The following TRAM2 variants were observed in gnomAD, a reference collection of about 807,000 sequenced individuals.
TRAM2 encodes translocating chain-associated membrane protein 2.
TRAM2 carries 12 observed loss-of-function variants against 51.0 expected under a neutral mutation model. The ratio of observed to expected loss-of-function variants is 0.24; its 90% confidence interval spans 0.15 to 0.38. The LOEUF (loss-of-function observed/expected upper bound fraction) is 0.38, where lower values mean the gene tolerates loss of function less well. Ranked by LOEUF, TRAM2 falls within the 10% of genes least tolerant of loss-of-function variation. The pLI, the probability that TRAM2 is intolerant of heterozygous loss-of-function variation, is 1.00. For missense variants in TRAM2, 361 were observed against 462.0 expected (o/e 0.78, Z 2.00); for synonymous variants, 175 against 179.4 (o/e 0.98, Z 0.20).
intron 1 of TRAM2, among the ~76,000 whole-genome samples, chr6:52,543,128 T>C (rs1767133795): frequency 6.6e-6 from 1 of 151,680 alleles, no homozygotes. Context: ...CTGAAGTAAA[T>C]GTATTACTTC....
At chr6:52,575,005 GA>G (rs1767740025) in intron 1 of TRAM2, among the ~76,000 whole-genome samples, 2 of 152,236 alleles carry the variant, frequency 1.3e-5, no homozygotes, top group Non-Finnish European at 2.9e-5. Flanking sequence ...CAAGGCTGGG[GA>G]CACGCACTTG....
intron 1 of TRAM2, among the ~76,000 whole-genome samples, chr6:52,551,735 G>A (rs1327365820): frequency 6.6e-6 from 1 of 152,246 alleles, no homozygotes; most frequent in Non-Finnish European, 1.5e-5. Context: ...GGGAGACAGA[G>A]GCTGTATTTA....
At chr6:52,508,579 T>C (rs1766392151) in intron 5 of TRAM2, among the ~76,000 whole-genome samples, 1 of 152,174 alleles carries the variant, frequency 6.6e-6, no homozygotes, top group Non-Finnish European at 1.5e-5. Flanking sequence ...ATTAAAATAG[T>C]GCAGAGGAGG....
In TRAM2 at chr6:52,516,625, T is replaced by C. The variant is rs1401600739; in HGVS notation, c.294+3A>G. ...GATCTCAGAATCCAGACATGTCACTTACATCTAAAATGTACTCCTGAACCA... is the reference window on the plus strand; with the variant it reads ...GATCTCAGAATCCAGACATGTCACTCACATCTAAAATGTACTCCTGAACCA... On this transcript the variant is annotated splice_donor_region_variant and intron_variant, in intron 3 of 10. Coordinates refer to ENST00000182527, the MANE Select transcript of TRAM2 (RefSeq NM_012288.4). The C allele has an allele frequency of 1.2e-6, 2 of 1,611,918 alleles. No homozygotes were observed. The highest frequency in any genetic ancestry group is 2.7e-5 in the African/African-American group (2 of 75,004).
chr6:52,529,433 C>A (rs887595005), intron 2 of TRAM2: 1 of 152,122 alleles, frequency 6.6e-6, no homozygotes. Context: ...TCATTTAAAG[C>A]CGTGCTTCTC....
rs1766195028 is a variant in TRAM2, at chr6:52,500,532, T to TG, written c.*2664_*2665insC. The stretch of plus-strand genomic sequence containing the variant: ...ATGGTCTCAGGGTTTTTTTTTGTTT[T>TG]TTTTTTTTTTTTTACATAAAATAAA... On this transcript the variant is annotated 3_prime_UTR_variant, in exon 11 of 11. Transcript: ENST00000182527. 3 of 150,054 alleles carry TG rather than the reference T, an allele frequency of 2.0e-5. No individual in the cohort carries two copies. The highest frequency in any genetic ancestry group is 6.6e-5 in the Admixed American group (1 of 15,148). 9.3% of individuals were successfully genotyped at this position (150,054 alleles called of 1,614,324 possible).
chr6:52,523,248 C>T, intron 2 of TRAM2: 2 of 236,302 alleles, frequency 8.5e-6, no homozygotes, highest in African/African-American at 4.5e-5. Context: ...GAAACACCAC[C>T]ACAAACAAAA....
chr6:52,506,331 A>G (rs1766349690), intron 7 of TRAM2, among the ~76,000 whole-genome samples, 195 bp from the exon 8 acceptor site: 1 of 150,460 alleles, frequency 6.6e-6, no homozygotes, highest in African/African-American at 2.4e-5. Flanking sequence ...CCTAATACCG[A>G]CCCGCTGGCC....
Position 52,563,104 on chromosome 6 carries a change from T to A in TRAM2, c.120+13692A>T, listed in dbSNP as rs559635062. Among the ~76,000 whole-genome samples, 5 of 152,298 alleles carry A rather than the reference T, an allele frequency of 3.3e-5. No homozygotes were observed. The East Asian group carries it at 9.6e-4, about 29-fold the overall frequency. ...GCCAAGATATTCACTGCTGCATTGT[T>A]TATAAGAGCAAAACACTGGAAATGA... On this transcript the variant is annotated intron_variant, in intron 1 of 10. Coordinates refer to ENST00000182527, the MANE Select transcript of TRAM2 (RefSeq NM_012288.4).
intron 1 of TRAM2, among the ~76,000 whole-genome samples, chr6:52,562,376 GA>G (rs902951117): frequency 4.6e-5 from 7 of 152,188 alleles, no homozygotes; most frequent in African/African-American, 1.7e-4. Context: ...CTGGCCAAGT[GA>G]AAATAGGAAG....
rs1766110622 is a variant in TRAM2 at position 52,497,653 on chromosome 6, T to G, written c.*5544A>C. 1 of 152,432 alleles carries G rather than the reference T, an allele frequency of 6.6e-6. No individual in the cohort carries two copies. The highest frequency in any genetic ancestry group is 2.4e-5 in the African/African-American group (1 of 41,360). 9.4% of individuals were successfully genotyped at this position (152,432 alleles called of 1,614,324 possible). ...GTTCCTTGTTGAAATTTGGTCCATA[T>G]GAACAGGCTAGAGTAGAAAACAGAC... On this transcript the variant is annotated 3_prime_UTR_variant, in exon 11 of 11. Coordinates refer to ENST00000182527, the MANE Select transcript of TRAM2 (RefSeq NM_012288.4).
chr6:52,569,404 A>AAG (rs1562490862), intron 1 of TRAM2, among the ~76,000 whole-genome samples: 20 of 150,360 alleles, frequency 1.3e-4, no homozygotes, highest in Non-Finnish European at 2.7e-4. Flanking sequence ...AAAAAAAAAA[A>AAG]AAAGAAAGAA....
chr6:52,543,464 G>C (rs1180932677), intron 1 of TRAM2, among the ~76,000 whole-genome samples: 1 of 152,162 alleles, frequency 6.6e-6, no homozygotes, highest in East Asian at 1.9e-4. Context: ...ACATTGGTCA[G>C]AACAAAATGT....
rs371068659 is a variant in TRAM2, at chr6:52,516,073, T to C, written c.344A>G (p.Asn115Ser). 9.3e-6 allele frequency: 15 copies of C among 1,614,100 alleles called. No homozygotes were observed. Among genetic ancestry groups the C allele is most frequent in the Middle Eastern group, 1.6e-4 (1 of 6,084 alleles). ...HLSKVKHSKF[N>S]ESGQLVVFHF... ...AAAGACGACCAGCTGTCCAGATTCA[T>C]TGAACTTGCTGTGTTTGACTTTGGA... The change falls in exon 4 of 11, where the codon AAT becomes AGT. Residue 115 changes from asparagine (N) to serine (S), a missense_variant. Coordinates refer to ENST00000182527, the MANE Select transcript of TRAM2 (RefSeq NM_012288.4).
intron 2 of TRAM2, among the ~76,000 whole-genome samples, chr6:52,526,207 A>ACG (rs1328056803): frequency 6.1e-5 from 9 of 148,496 alleles, no homozygotes; most frequent in African/African-American, 2.3e-4. Flanking sequence ...ACACACACAC[A>ACG]CGCCAGAGAA....
intron 1 of TRAM2, among the ~76,000 whole-genome samples, chr6:52,555,297 T>A (rs543076176): frequency 1.1e-3 from 50 of 43,554 alleles, no homozygotes; most frequent in African/African-American, 4.5e-3. Flanking sequence ...ACCCACCACC[T>A]CTCCCCCAGC....
At position 52,502,861 on chromosome 6, in the gene TRAM2, A is replaced by G; in HGVS notation, c.*336T>C. Reference sequence around the variant, plus strand: ...AAAATAGGAAGTAAAAAGGAAAAGCAGCAGCCATAAGGCAAGAGACAGAGC... The same window carrying G: ...AAAATAGGAAGTAAAAAGGAAAAGCGGCAGCCATAAGGCAAGAGACAGAGC... On this transcript the variant is annotated 3_prime_UTR_variant, in exon 11 of 11. Transcript: ENST00000182527. The G allele has an allele frequency of 3.6e-6, 1 of 278,258 alleles. No homozygotes were observed. Among genetic ancestry groups the G allele is most frequent in the Non-Finnish European group, 6.7e-6 (1 of 148,942 alleles). The allele number at this position is 278,258 out of a possible 1,614,324, so 17.2% of individuals were successfully genotyped here.
chr6:52,507,475 A>G, intron 7 of TRAM2, 78 bp downstream of exon 7: 1 of 1,446,166 alleles, frequency 6.9e-7, no homozygotes, highest in Non-Finnish European at 9.6e-7. Flanking sequence ...CAAATGCCTG[A>G]TAATTATATG....
At chr6:52,553,227 T>C (rs998467370) in intron 1 of TRAM2, among the ~76,000 whole-genome samples, 2 of 152,216 alleles carry the variant, frequency 1.3e-5, no homozygotes, top group African/African-American at 4.8e-5. Context: ...ACTAATATGA[T>C]AGTCCTGGAT....
Sources: allele counts gnomAD v4.1 joint callset (sites outside exome capture counted in the v4.1 genomes callset), GRCh38; gene constraint gnomAD v4.1.1; transcripts MANE v1.5; gene names NCBI Gene and HGNC (gene_info 2026-07-23, HGNC 2026-07-21).